GALT: variants seen among roughly 807,000 people sequenced by gnomAD.
GALT encodes UDP-glucose--hexose-1-phosphate uridylyltransferase.
A neutral mutation model predicts 55.4 loss-of-function variants in GALT; 42 were observed. The observed-to-expected ratio is 0.76, with a 90% CI of 0.59 to 0.98. The LOEUF is 0.98. GALT is among the 50% of genes least tolerant of loss of function. The pLI is 0.00. For synonymous variants in GALT, 154 were observed against 181.5 expected, an observed-to-expected ratio of 0.85 and a Z score of 1.22; for missense variants, 407 against 495.7, an observed-to-expected ratio of 0.82 and a Z score of 1.70.
At position 34,647,113 on chromosome 9, in the gene GALT, C is replaced by T. The variant is rs111033645; in HGVS notation, c.107C>T (p.Pro36Leu). 2 of 1,614,170 alleles carry T rather than the reference C, an allele frequency of 1.2e-6. No individual in the cohort carries two copies. The highest frequency in any genetic ancestry group is 2.2e-5 in the East Asian group (1 of 44,868). Residue 36 changes from proline (P) to leucine (L), a missense_variant, in exon 2 of 11, where the codon CCG (proline) becomes CTG (leucine). Physicochemically the swap from Pro to Leu is moderately conservative, Grantham distance 98. Transcript: ENST00000378842. This position sits in a 1 kb window ranked among gnomAD's most constrained non-coding sequence, Gnocchi z 5.6. The part of the protein sequence containing the change: ...ANDHQHIRYN[P>L]LQDEWVLVSA... Reference sequence around the variant, plus strand: ...GACCATCAGCATATCCGCTACAACCCGCTGCAGGATGAGTGGGTGCTGGTG... The same window carrying T: ...GACCATCAGCATATCCGCTACAACCTGCTGCAGGATGAGTGGGTGCTGGTG...
intron 9 of GALT, 143 bp downstream of exon 9, chr9:34,649,224 G>A: frequency 8.5e-7 from 1 of 1,179,470 alleles, no homozygotes; most frequent in East Asian, 2.3e-5. Flanking sequence ...CTGGGACTGA[G>A]GGTGGAGCAG....
Position 34,647,301 on chromosome 9 carries a change from A to C in GALT, c.252+43A>C, listed in dbSNP as rs1457638177. ...TGCATCTGCAGGCTGGGCCACGGGG[A>C]GTAGTTCCCTCTTAGAACTGTCCTC... On this transcript the variant is annotated intron_variant, in intron 2 of 10. Transcript: ENST00000378842. The surrounding 1 kb of genome is among the most constrained non-coding windows in gnomAD (Gnocchi z 5.6). 1.9e-6 allele frequency: 3 copies of C among 1,612,520 alleles called. No homozygotes were observed. In the African/African-American group the frequency reaches 4.0e-5, roughly 22 times the overall value.
rs1821153286 is a variant in GALT at position 34,648,051 on chromosome 9, G to A, written c.508-64G>A. ...AGTAACATTTCTGTTTCCACAGGGT[G>A]TGGTCAGGAGGGAGTTGACTTGGTG... On this transcript the variant is annotated intron_variant, in intron 5 of 10. Coordinates refer to ENST00000378842, the MANE Select transcript of GALT (RefSeq NM_000155.4). The surrounding 1 kb of genome is among the most constrained non-coding windows in gnomAD (Gnocchi z 4.9). 1 of 1,614,084 alleles carries A rather than the reference G, an allele frequency of 6.2e-7. No individual in the cohort carries two copies. The highest frequency in any genetic ancestry group is 1.7e-5 in the Admixed American group (1 of 60,002).
rs755961073 is a variant in GALT, at chr9:34,648,189, TC to T, written c.564+20del. 6.2e-7 allele frequency: 1 copy of T among 1,613,968 alleles called. No individual in the cohort carries two copies. Among genetic ancestry groups the T allele is most frequent in the African/African-American group, 1.3e-5 (1 of 74,908 alleles). ...ACTGCCAGGTAAGGGTGTCAGGGGC[TC>T]CAGTGGGTTTCTTGGCTGAGTCTGA... On this transcript the variant is annotated intron_variant, in intron 6 of 10. Transcript: ENST00000378842. This position sits in a 1 kb window ranked among gnomAD's most constrained non-coding sequence, Gnocchi z 4.9.
chr9:34,650,351 TC>T lies in GALT; in HGVS notation c.1060-15del. ...CCCAGCCCTTATCCTCCTTAATTGC[TC>T]CCTGTCCCTTTTCCAGGCTGCAGAG... On this transcript the variant is annotated splice_polypyrimidine_tract_variant and intron_variant, in intron 10 of 10. Coordinates refer to ENST00000378842, the MANE Select transcript of GALT (RefSeq NM_000155.4). 6.2e-7 allele frequency: 1 copy of T among 1,600,710 alleles called. No homozygotes were observed. The highest frequency in any genetic ancestry group is 8.5e-7 in the Non-Finnish European group (1 of 1,170,464).
Position 34,649,435 on chromosome 9 carries a change from G to A in GALT, c.930G>A (p.Gly310=). 1 of 1,614,074 alleles carries A rather than the reference G, an allele frequency of 6.2e-7. No homozygotes were observed. Among genetic ancestry groups the A allele is most frequent in the Non-Finnish European group, 8.5e-7 (1 of 1,180,006 alleles). ...GGGCTCCCACAGGATCAGAGGCTGG[G>A]GCCAACTGGAACCATTGGCAGCTGC... The part of the protein sequence containing the change: ...WHGAPTGSEA[G]ANWNHWQLHA... Residue 310 remains glycine (G), a synonymous_variant, in exon 10 of 11, where the codon GGG becomes GGA. Coordinates refer to ENST00000378842, the MANE Select transcript of GALT (RefSeq NM_000155.4).
rs111033802 is a variant in GALT at position 34,649,488 on chromosome 9, G to A, written c.983G>A (p.Arg328His). The A allele has an allele frequency of 8.7e-6, 14 of 1,614,006 alleles. No homozygotes were observed. The highest frequency in any genetic ancestry group is 2.7e-5 in the African/African-American group (2 of 74,908). The change falls in exon 10 of 11, where the codon CGC (arginine) becomes CAC (histidine). Residue 328 changes from arginine to histidine, a missense_variant. Physicochemically the swap from Arg to His is conservative, Grantham distance 29 (BLOSUM62 0). Coordinates refer to ENST00000378842, the MANE Select transcript of GALT (RefSeq NM_000155.4). ...LHAHYYPPLLRSATVRKFMVG... is the reference protein window; with the variant it reads ...LHAHYYPPLLHSATVRKFMVG... ...GCTCATTACTACCCTCCGCTCCTGC[G>A]CTCTGCCACTGTCCGGAAATTCATG... is the stretch of plus-strand genomic sequence containing the variant.
Position 34,647,799 on chromosome 9 carries a change from C to A in GALT, c.378-33C>A. 1.2e-6 allele frequency: 2 copies of A among 1,614,190 alleles called. No homozygotes were observed. Among genetic ancestry groups the A allele is most frequent in the Non-Finnish European group, 1.7e-6 (2 of 1,180,024 alleles). ...TGCCCGTAGCACAGCCAAGCCCTAC[C>A]TCTCGGTTATCTTTTCTCCCGTCAC... is the stretch of plus-strand genomic sequence containing the variant. On this transcript the variant is annotated intron_variant, in intron 4 of 10. Transcript: ENST00000378842. The surrounding 1 kb of genome is among the most constrained non-coding windows in gnomAD (Gnocchi z 5.6).
At position 34,648,349 on chromosome 9, in the gene GALT, T is replaced by C. The variant is rs111033726; in HGVS notation, c.580T>C (p.Phe194Leu). 1.2e-6 allele frequency: 2 copies of C among 1,614,186 alleles called. No homozygotes were observed. The highest frequency in any genetic ancestry group is 1.7e-6 in the Non-Finnish European group (2 of 1,180,028). ...CCCTTGACAGGTATGGGCCAGCAGT[T>C]TCCTGCCAGATATTGCCCAGCGTGA... The part of the protein sequence containing the change: ...HPHCQVWASS[F>L]LPDIAQREER... The change falls in exon 7 of 11, where the codon TTC (phenylalanine) becomes CTC (leucine). Residue 194 changes from phenylalanine (F) to leucine (L), a missense_variant. Transcript: ENST00000378842. The surrounding 1 kb of genome is among the most constrained non-coding windows in gnomAD (Gnocchi z 4.9).
chr9:34,648,664 T>C lies in GALT; in HGVS notation c.688-98T>C. 1.3e-6 allele frequency: 2 copies of C among 1,543,664 alleles called. No individual in the cohort carries two copies. The highest frequency in any genetic ancestry group is 2.2e-5 in the South Asian group (2 of 89,362). On this transcript the variant is annotated intron_variant, in intron 7 of 10. Transcript: ENST00000378842. This position sits in a 1 kb window ranked among gnomAD's most constrained non-coding sequence, Gnocchi z 4.9. ...GAGGTGGTGAGAAGACATCAGATCC[T>C]GGGCACATTCTTTTCTTCTGCTTCC...
At chr9:34,649,683 G>GTCCCTTCCTGCCA in intron 10 of GALT, 119 bp downstream of exon 10, 1 of 1,248,696 alleles carries the variant, frequency 8.0e-7, no homozygotes, top group Non-Finnish European at 1.1e-6. Flanking sequence ...AGCTCTGGCA[G>GTCCCTTCCTGCCA]GAAGGGACTG....
At chr9:34,649,766 G>C in intron 10 of GALT, 1 of 599,134 alleles carries the variant, frequency 1.7e-6, no homozygotes, top group Non-Finnish European at 3.0e-6. Flanking sequence ...GCTTCCTCCA[G>C]GGAACCCAAC....
intron 1 of GALT, 137 bp from the exon 2 acceptor site, chr9:34,646,952 G>T: frequency 4.4e-6 from 7 of 1,606,174 alleles, no homozygotes; most frequent in Non-Finnish European, 5.9e-6. Flanking sequence ...CGCTGGGAAA[G>T]TCCAATCCTG....
At position 34,648,834 on chromosome 9, in the gene GALT, C is replaced by T. The variant is rs532126218; in HGVS notation, c.760C>T (p.Leu254=). 5.0e-6 allele frequency: 8 copies of T among 1,613,546 alleles called. No homozygotes were observed. The highest frequency in any genetic ancestry group is 3.3e-4 in the Middle Eastern group (2 of 5,988). Residue 254 remains leucine (L), a synonymous_variant, in exon 8 of 11, where the codon CTG becomes TTG. Coordinates refer to ENST00000378842, the MANE Select transcript of GALT (RefSeq NM_000155.4). The surrounding 1 kb of genome is among the most constrained non-coding windows in gnomAD (Gnocchi z 4.9). ...CTGGGCAACATGGCCCTACCAGACA[C>T]TGCTGCTGCCCCGTCGGCATGTGCG... is the stretch of plus-strand genomic sequence containing the variant. The part of the protein sequence containing the change: ...PFWATWPYQT[L]LLPRRHVRRL...
Position 34,648,508 on chromosome 9 carries a change from C to A in GALT, c.687+52C>A. 6.2e-7 allele frequency: 1 copy of A among 1,613,548 alleles called. No homozygotes were observed. The highest frequency in any genetic ancestry group is 8.5e-7 in the Non-Finnish European group (1 of 1,179,758). On this transcript the variant is annotated intron_variant, in intron 7 of 10. Transcript: ENST00000378842. The surrounding 1 kb of genome is among the most constrained non-coding windows in gnomAD (Gnocchi z 4.9). ...CCAAGGAGTCCCTAACTTTCTTATCCCATGAGAGAGGTGTGTAAAGGAGAA... is the reference window on the plus strand; with the variant it reads ...CCAAGGAGTCCCTAACTTTCTTATCACATGAGAGAGGTGTGTAAAGGAGAA...
In GALT at chr9:34,648,232, T is replaced by C; in HGVS notation, c.564+61T>C. The C allele has an allele frequency of 2.5e-6, 4 of 1,613,826 alleles. No individual in the cohort carries two copies. Among genetic ancestry groups the C allele is most frequent in the South Asian group, 2.2e-5 (2 of 91,068 alleles). On this transcript the variant is annotated intron_variant, in intron 6 of 10. Coordinates refer to ENST00000378842, the MANE Select transcript of GALT (RefSeq NM_000155.4). This position sits in a 1 kb window ranked among gnomAD's most constrained non-coding sequence, Gnocchi z 4.9. Reference sequence around the variant, plus strand: ...TGAGTCTGAGCCAGCACTGTGGACATGGGAACAGGATTAATGGATGGGACA... The same window carrying C: ...TGAGTCTGAGCCAGCACTGTGGACACGGGAACAGGATTAATGGATGGGACA...
intron 10 of GALT, 87 bp from the exon 11 acceptor site, chr9:34,650,282 C>A (rs866429067): frequency 1.0e-4 from 59 of 578,148 alleles, no homozygotes; most frequent in Middle Eastern, 4.6e-4. Context: ...GACCTCGTCT[C>A]AAAAAAAAAA....
chr9:34,649,053 G>A lies in GALT; in HGVS notation c.876G>A (p.Thr292=), dbSNP rs1055607. The A allele has an allele frequency of 5.4e-3, 8,763 of 1,614,048 alleles. 340 individuals carry two copies. The African/African-American group carries it at 0.09, about 17-fold the overall frequency. ...LLTKYDNLFE[T]SFPYSMGWHG... is the part of the protein sequence containing the mutation. ...CCAAGTATGACAACCTCTTTGAGAC[G>A]TCCTTTCCCTACTCCATGGGCTGGC... The change falls in exon 9 of 11, where the codon ACG becomes ACA. Residue 292 remains threonine (T), a synonymous_variant. Coordinates refer to ENST00000378842, the MANE Select transcript of GALT (RefSeq NM_000155.4).
At position 34,647,305 on chromosome 9, in the gene GALT, GT is replaced by G; in HGVS notation, c.252+49del. 1 of 1,612,404 alleles carries G rather than the reference GT, an allele frequency of 6.2e-7. No homozygotes were observed. Among genetic ancestry groups the G allele is most frequent in the Non-Finnish European group, 8.5e-7 (1 of 1,178,740 alleles). Reference sequence around the variant, plus strand: ...TCTGCAGGCTGGGCCACGGGGAGTAGTTCCCTCTTAGAACTGTCCTCCACCC... The same window carrying G: ...TCTGCAGGCTGGGCCACGGGGAGTAGTCCCTCTTAGAACTGTCCTCCACCC... On this transcript the variant is annotated intron_variant, in intron 2 of 10. Transcript: ENST00000378842. The surrounding 1 kb of genome is among the most constrained non-coding windows in gnomAD (Gnocchi z 5.6).
Sources: gnomAD v4.1 joint callset for allele counts on GRCh38, gnomAD v4.1.1 for gene constraint, Gnocchi (gnomAD v3.1) non-coding constraint, MANE v1.5 for transcripts, NCBI Gene and HGNC (gene_info 2026-07-23, HGNC 2026-07-21) for gene names.